The following LINGO2 variants were observed in gnomAD, a reference collection of about 807,000 sequenced individuals.
LINGO2 encodes the protein leucine rich repeat and Ig domain containing 2, also known as leucine-rich repeat and immunoglobulin-like domain-containing nogo receptor-interacting protein 2.
In LINGO2, 14 loss-of-function variants were observed where a neutral mutation model predicts 30.6. The ratio of observed to expected loss-of-function variants is 0.46; its 90% CI spans 0.30 to 0.72. The LOEUF (loss-of-function observed/expected upper bound fraction) is 0.72. Ranked by LOEUF, LINGO2 falls within the 30% of genes least tolerant of loss-of-function variation. The pLI is 0.07. For synonymous variants in LINGO2, 317 were observed against 288.5 expected, an observed-to-expected ratio of 1.10 and a Z score of -1.00; for missense variants, 729 against 751.7, an observed-to-expected ratio of 0.97 and a Z score of 0.35.
intron 1 of LINGO2, among the ~76,000 whole-genome samples, chr9:28,557,027 C>G (rs2135531798): frequency 6.6e-6 from 1 of 151,366 alleles, no homozygotes; most frequent in Admixed American, 6.6e-5. Context: ...AACGTTAGAC[C>G]TAAAACCATA....
chr9:28,005,325 TTTC>T (rs1314540980), intron 5 of LINGO2, among the ~76,000 whole-genome samples: 1 of 152,178 alleles, frequency 6.6e-6, no homozygotes, highest in African/African-American at 2.4e-5. Flanking sequence ...GGTTATCATG[TTTC>T]TTAACTGCTC....
the LINGO2 span, among the ~76,000 whole-genome samples, chr9:28,730,135 C>T: frequency 6.6e-6 from 1 of 152,148 alleles, no homozygotes; most frequent in South Asian, 2.1e-4. Flanking sequence ...GCCATCTACT[C>T]TTTCACAGGA....
the LINGO2 span, among the ~76,000 whole-genome samples, chr9:28,764,201 C>G: frequency 2.0e-5 from 3 of 150,874 alleles, no homozygotes; most frequent in Admixed American, 2.0e-4. Context: ...GATATCAAAG[C>G]CAGAAATGAA....
intron 1 of LINGO2, among the ~76,000 whole-genome samples, chr9:28,494,828 C>A (rs1819536810): frequency 6.6e-6 from 1 of 152,170 alleles, no homozygotes. Flanking sequence ...CTTTACAGTC[C>A]CACCAACAGT....
rs970288609 is a variant in LINGO2, at chr9:28,243,656, AC to A, written c.-87+51551del. On this transcript the variant is annotated intron_variant, in intron 4 of 5. Transcript: ENST00000379992. ...ACAAACAAACAAAAAAACAAAAAAA[AC>A]GGGTTGGATTCCTAGTTCCTGATAA... 1.1e-4 allele frequency among the ~76,000 whole-genome samples: 16 copies of A among 152,106 alleles called. 1 individual carries two copies. Among genetic ancestry groups the A allele is most frequent in the South Asian group, 1.0e-3 (5 of 4,812 alleles).
chr9:28,747,915 C>T, the LINGO2 span, among the ~76,000 whole-genome samples: 1 of 152,028 alleles, frequency 6.6e-6, no homozygotes, highest in Non-Finnish European at 1.5e-5. Flanking sequence ...AACTTTATGT[C>T]ACTAACGTAC....
intron 4 of LINGO2, among the ~76,000 whole-genome samples, chr9:28,016,301 G>A (rs1169230623): frequency 2.6e-5 from 4 of 152,126 alleles, no homozygotes; most frequent in Admixed American, 6.6e-5. Flanking sequence ...GGTTTCCGTT[G>A]CAGATCCCAC....
intron 5 of LINGO2, among the ~76,000 whole-genome samples, chr9:27,966,456 AAACT>A (rs1372391020): frequency 6.6e-6 from 1 of 152,156 alleles, no homozygotes; most frequent in African/African-American, 2.4e-5. Flanking sequence ...CATCCTCAAC[AAACT>A]AACACAGGAA....
chr9:28,538,500 T>C (rs183765323), intron 1 of LINGO2, among the ~76,000 whole-genome samples: 2 of 152,248 alleles, frequency 1.3e-5, no homozygotes, highest in East Asian at 3.9e-4. Context: ...TTTAAATTAA[T>C]AGAATAAAGG....
chr9:28,753,790 G>A, the LINGO2 span, among the ~76,000 whole-genome samples: 3,161 of 151,966 alleles, frequency 0.021, 144 homozygotes, highest in African/African-American at 0.072. Context: ...CTATGCCCTG[G>A]CATATACAGA....
At chr9:28,974,335 G>C in the LINGO2 span, among the ~76,000 whole-genome samples, 1 of 152,170 alleles carries the variant, frequency 6.6e-6, no homozygotes, top group African/African-American at 2.4e-5. Context: ...GAAGCTGGTA[G>C]GTGGAGGTTG....
chr9:28,659,162 T>C (rs1414685792), intron 1 of LINGO2, among the ~76,000 whole-genome samples: 1 of 152,076 alleles, frequency 6.6e-6, no homozygotes, highest in Non-Finnish European at 1.5e-5. Flanking sequence ...TGACACTAAC[T>C]TTTAGCTTCT....
At chr9:28,351,550 C>G (rs1452326350) in intron 3 of LINGO2, among the ~76,000 whole-genome samples, 1 of 145,132 alleles carries the variant, frequency 6.9e-6, no homozygotes, top group African/African-American at 2.6e-5. Context: ...GATGGATTCA[C>G]AGCCGAATTC....
the LINGO2 span, among the ~76,000 whole-genome samples, chr9:28,764,541 T>C: frequency 2.6e-5 from 4 of 151,930 alleles, no homozygotes; most frequent in East Asian, 1.9e-4. Flanking sequence ...CCACATCTAA[T>C]AGGATAATCA....
the LINGO2 span, among the ~76,000 whole-genome samples, chr9:28,848,061 A>AG: frequency 3.8e-4 from 19 of 49,742 alleles, 1 homozygote; most frequent in South Asian, 6.5e-3. Context: ...ATATATATAT[A>AG]TGTATATAAT....
At chr9:29,018,470 T>TA in the LINGO2 span, among the ~76,000 whole-genome samples, 1 of 152,084 alleles carries the variant, frequency 6.6e-6, no homozygotes, top group African/African-American at 2.4e-5. Flanking sequence ...TTTGAAATTA[T>TA]AAAAAATAAT....
At chr9:28,239,612 T>A (rs1308368645) in intron 4 of LINGO2, among the ~76,000 whole-genome samples, 1 of 152,088 alleles carries the variant, frequency 6.6e-6, no homozygotes, top group East Asian at 1.9e-4. Context: ...CCTCAACAGT[T>A]GGGTAGAGAA....
chr9:28,639,170 C>G (rs1360580994), intron 1 of LINGO2, among the ~76,000 whole-genome samples: 5 of 152,148 alleles, frequency 3.3e-5, no homozygotes, highest in African/African-American at 7.2e-5. Flanking sequence ...TTTCATTGCA[C>G]TGTGGTCTGA....
chr9:28,276,974 C>A (rs1823137471), intron 4 of LINGO2, among the ~76,000 whole-genome samples: 1 of 152,134 alleles, frequency 6.6e-6, no homozygotes, highest in Non-Finnish European at 1.5e-5. Flanking sequence ...AGCTGCTCAT[C>A]CCCTCTAATG....
Sources: gnomAD v4.1 joint callset for allele counts (sites outside exome capture counted in the v4.1 genomes callset) on GRCh38, gnomAD v4.1.1 for gene constraint, MANE v1.5 for transcripts, NCBI Gene and HGNC (gene_info 2026-07-23, HGNC 2026-07-21) for gene names.